Variants in THRB observed in about 807,000 individuals in gnomAD.
THRB encodes nuclear receptor subfamily 1 group A member 2.
In THRB, 12 loss-of-function variants were observed where a neutral mutation model predicts 47.8. That is an observed-to-expected ratio of 0.25 (90% CI 0.16 to 0.41). THRB has a LOEUF of 0.41. THRB is among the 10% of genes least tolerant of loss of function. The pLI, the probability that THRB is intolerant of heterozygous loss-of-function variation, is 1.00. For missense variants in THRB, 348 were observed against 589.2 expected (o/e 0.59, Z 4.24); for synonymous variants, 218 against 212.2 (o/e 1.03, Z -0.24).
At chr3:24,354,080 A>G (rs2063521545) in intron 1 of THRB, among the ~76,000 whole-genome samples, 2 of 152,112 alleles carry the variant, frequency 1.3e-5, no homozygotes, top group South Asian at 4.1e-4. Flanking sequence ...TGTCTTTGCT[A>G]TTGTGAACAG....
intron 1 of THRB, among the ~76,000 whole-genome samples, chr3:24,413,418 G>T (rs1299423378): frequency 6.6e-6 from 1 of 151,578 alleles, no homozygotes; most frequent in East Asian, 2.0e-4. Context: ...TAAAAAAAGG[G>T]AGAATATGTT....
intron 1 of THRB, among the ~76,000 whole-genome samples, chr3:24,427,861 C>T: frequency 6.6e-6 from 1 of 151,986 alleles, no homozygotes; most frequent in East Asian, 1.9e-4. Context: ...CTTATTCTTT[C>T]TTGATTCACT....
At chr3:24,204,321 C>A (rs1185411928) in intron 4 of THRB, among the ~76,000 whole-genome samples, 5 of 152,198 alleles carry the variant, frequency 3.3e-5, no homozygotes, top group African/African-American at 4.8e-5. Flanking sequence ...GAGGAATGAT[C>A]AGGCAGCAAC....
chr3:24,147,570 T>TA (rs2036258678), intron 6 of THRB, among the ~76,000 whole-genome samples: 1 of 152,228 alleles, frequency 6.6e-6, no homozygotes, highest in Non-Finnish European at 1.5e-5. Context: ...AGCACCTCTG[T>TA]AGCATCTGGG....
chr3:24,190,012 C>T, intron 5 of THRB, 62 bp downstream of exon 5: 1 of 1,518,676 alleles, frequency 6.6e-7, no homozygotes, highest in Non-Finnish European at 9.1e-7. Flanking sequence ...TACACAGCTA[C>T]AACAGGGATA....
chr3:24,303,514 C>T (rs573494885), intron 2 of THRB, among the ~76,000 whole-genome samples: 3 of 152,280 alleles, frequency 2.0e-5, no homozygotes, highest in South Asian at 2.1e-4. Context: ...CGATTATCAT[C>T]GCAGAGCTGC....
chr3:24,273,209 G>A (rs1405268362), intron 3 of THRB, among the ~76,000 whole-genome samples: 2 of 152,118 alleles, frequency 1.3e-5, no homozygotes. Flanking sequence ...TTTAGTATTT[G>A]CAGGAGGCTG....
chr3:24,385,900 A>T (rs2066063080), intron 1 of THRB, among the ~76,000 whole-genome samples: 1 of 152,176 alleles, frequency 6.6e-6, no homozygotes, highest in Non-Finnish European at 1.5e-5. Context: ...GAAAGTTCAC[A>T]TACTTCATTT....
At chr3:24,382,084 T>C (rs1356845066) in intron 1 of THRB, among the ~76,000 whole-genome samples, 2 of 151,880 alleles carry the variant, frequency 1.3e-5, no homozygotes, top group African/African-American at 4.8e-5. Context: ...ATATCCACTT[T>C]GAATCATAAA....
chr3:24,448,227 T>C (rs941303854), intron 1 of THRB, among the ~76,000 whole-genome samples: 3 of 152,162 alleles, frequency 2.0e-5, no homozygotes, highest in Non-Finnish European at 4.4e-5. Flanking sequence ...ATTAAGGATG[T>C]AAGTATAACT....
rs188239300 is a variant in THRB, at chr3:24,130,292, A to G, written c.886-2535T>C. Reference sequence around the variant, plus strand: ...ATAAGCTTGCCACAACCCATGCTTGAAAAGTTCCACGTTGACCCCTCGCCC... The same window carrying G: ...ATAAGCTTGCCACAACCCATGCTTGGAAAGTTCCACGTTGACCCCTCGCCC... On this transcript the variant is annotated intron_variant, in intron 9 of 10. Coordinates refer to ENST00000646209, the MANE Select transcript of THRB (RefSeq NM_001354712.2). Among the ~76,000 whole-genome samples the G allele has an allele frequency of 2.6e-5, 4 of 152,328 alleles. No individual in the cohort carries two copies. In the East Asian group the frequency reaches 7.7e-4, roughly 29 times the overall value.
chr3:24,467,579 C>T (rs1008304519), intron 1 of THRB, among the ~76,000 whole-genome samples: 1 of 152,172 alleles, frequency 6.6e-6, no homozygotes, highest in Non-Finnish European at 1.5e-5. Flanking sequence ...TGTTAGCAGA[C>T]ATGAAACAAA....
chr3:24,468,616 G>A (rs2074329741), intron 1 of THRB, among the ~76,000 whole-genome samples: 1 of 152,290 alleles, frequency 6.6e-6, no homozygotes, highest in Non-Finnish European at 1.5e-5. Flanking sequence ...GAGGATCACT[G>A]AGTCAGTGCA....
At chr3:24,474,931 A>T (rs1279956029) in intron 1 of THRB, among the ~76,000 whole-genome samples, 1 of 152,254 alleles carries the variant, frequency 6.6e-6, no homozygotes, top group East Asian at 1.9e-4. Flanking sequence ...AGGTAGGATA[A>T]TGACTTAATA....
At chr3:24,253,411 C>T (rs953268994) in intron 3 of THRB, among the ~76,000 whole-genome samples, 5 of 152,154 alleles carry the variant, frequency 3.3e-5, no homozygotes, top group Non-Finnish European at 7.4e-5. Flanking sequence ...GAAAAAAAAT[C>T]TCTGCCCTCA....
intron 1 of THRB, among the ~76,000 whole-genome samples, chr3:24,480,369 G>C (rs1696183675): frequency 6.6e-6 from 1 of 152,150 alleles, no homozygotes; most frequent in South Asian, 2.1e-4. Flanking sequence ...AAAGTCCCAG[G>C]CACAGAATCC....
chr3:24,220,802 G>GA (rs10633175), intron 4 of THRB, among the ~76,000 whole-genome samples: 47,607 of 142,862 alleles, frequency 0.33, 8,133 homozygotes, highest in African/African-American at 0.44. Flanking sequence ...TTAAACAAAA[G>GA]AAAAAAAAAA....
At chr3:24,341,690 A>C (rs747362550) in intron 1 of THRB, among the ~76,000 whole-genome samples, 41 of 152,194 alleles carry the variant, frequency 2.7e-4, no homozygotes, top group Non-Finnish European at 5.3e-4. Flanking sequence ...GTTTTTGGCC[A>C]TGTGACTTGC....
At chr3:24,147,865 C>G (rs1220580833) in intron 6 of THRB, among the ~76,000 whole-genome samples, 1 of 152,136 alleles carries the variant, frequency 6.6e-6, no homozygotes, top group African/African-American at 2.4e-5. Flanking sequence ...TTGCCCAAAT[C>G]ACATGGTAAG....
Sources: allele counts gnomAD v4.1 joint callset (sites outside exome capture counted in the v4.1 genomes callset), GRCh38; gene constraint gnomAD v4.1.1; transcripts MANE v1.5; gene names NCBI Gene and HGNC (gene_info 2026-07-23, HGNC 2026-07-21).